The following FGL1 variants were observed in gnomAD, a reference collection of about 807,000 sequenced individuals.
FGL1 encodes fibrinogen like 1.
Under a neutral mutation model 43.7 loss-of-function variants are expected in FGL1, and 59 were observed. That is an observed-to-expected ratio of 1.35 (90% confidence interval 1.10 to 1.68). FGL1 has a LOEUF of 1.68. Among genes scored for constraint, FGL1 ranks in the 40% most tolerant of loss-of-function variants. The pLI is 0.00. For synonymous variants in FGL1, 192 were observed against 126.5 expected (o/e 1.52, Z -3.48); for missense variants, 596 against 373.0 (o/e 1.60, Z -4.92).
chr8:17,893,282 G>T (rs561042018), intron 1 of FGL1, among the ~76,000 whole-genome samples: 6 of 152,006 alleles, frequency 3.9e-5, no homozygotes, highest in Non-Finnish European at 8.8e-5. Context: ...GTTTGATTCT[G>T]GCTCTTGCAT....
chr8:17,885,390 T>A, intron 2 of FGL1, 102 bp downstream of exon 2: 1 of 998,524 alleles, frequency 1.0e-6, no homozygotes, highest in Non-Finnish European at 1.5e-6. Context: ...CATAGTTAAG[T>A]TTTTTCAATG....
At chr8:17,875,535 C>CTTTCTTTCTTTCTT (rs1554564386) in intron 3 of FGL1, among the ~76,000 whole-genome samples, 3 of 25,488 alleles carry the variant, frequency 1.2e-4, no homozygotes, top group East Asian at 8.1e-4. Context: ...TTCTTTCTTT[C>CTTTCTTTCTTTCTT]TCTTTCTTTC....
At position 17,874,403 on chromosome 8, in the gene FGL1, A is replaced by C; in HGVS notation, c.363T>G (p.Thr121=). The C allele has an allele frequency of 6.2e-7, 1 of 1,614,116 alleles. No individual in the cohort carries two copies. The change falls in exon 4 of 8, where the codon ACT becomes ACG. Residue 121 remains threonine (T), a synonymous_variant. Coordinates refer to ENST00000427924, the MANE Select transcript of FGL1 (RefSeq NM_004467.4). ...YCDMSDGGGW[T]VIQRRSDGSE... is the part of the protein sequence containing the mutation. ...TGCCATCAGATCGTCTCTGAATTACAGTCCATCCTCCTCCATCGGACATGT... is the reference window on the plus strand; with the variant it reads ...TGCCATCAGATCGTCTCTGAATTACCGTCCATCCTCCTCCATCGGACATGT...
In FGL1 at chr8:17,864,432, C is replaced by T. The variant is rs1273629737; in HGVS notation, c.*160G>A. On this transcript the variant is annotated 3_prime_UTR_variant, in exon 8 of 8. Transcript: ENST00000427924. ...TTATTTGGTGAATATTGCATATCTGCTGTACTGAAAGCACATTAAGTAACA... is the reference window on the plus strand; with the variant it reads ...TTATTTGGTGAATATTGCATATCTGTTGTACTGAAAGCACATTAAGTAACA... The T allele has an allele frequency of 3.0e-6, 2 of 665,766 alleles. No homozygotes were observed. The highest frequency in any genetic ancestry group is 6.7e-5 in the Admixed American group (2 of 29,812). 41.2% of individuals were successfully genotyped at this position (665,766 alleles called of 1,614,324 possible).
chr8:17,873,187 G>C (rs1353081856), intron 5 of FGL1, among the ~76,000 whole-genome samples: 1 of 152,056 alleles, frequency 6.6e-6, no homozygotes, highest in South Asian at 2.1e-4. Flanking sequence ...TTAAAAAAAA[G>C]TCTGAGCTGC....
chr8:17,868,492 G>T, intron 7 of FGL1, 56 bp downstream of exon 7: 1 of 1,288,828 alleles, frequency 7.8e-7, no homozygotes. Flanking sequence ...GATAATTAAT[G>T]TCTATCAGTG....
At chr8:17,892,648 C>T (rs17125814) in intron 1 of FGL1, among the ~76,000 whole-genome samples, 3,116 of 152,154 alleles carry the variant, frequency 0.02, 111 homozygotes, top group African/African-American at 0.071. Flanking sequence ...TAGGATTTTT[C>T]CTTGATAAAT....
intron 1 of FGL1, among the ~76,000 whole-genome samples, chr8:17,887,409 A>C (rs1465109882): frequency 6.6e-6 from 1 of 152,180 alleles, no homozygotes; most frequent in Non-Finnish European, 1.5e-5. Flanking sequence ...CTTCTTTCTG[A>C]AGAGAGGCAT....
intron 2 of FGL1, among the ~76,000 whole-genome samples, chr8:17,884,540 A>T (rs559612901): frequency 6.6e-6 from 1 of 152,072 alleles, no homozygotes; most frequent in East Asian, 1.9e-4. Context: ...TATCCCTAAC[A>T]CTCAGATTTA....
intron 1 of FGL1, 179 bp from the exon 2 acceptor site, chr8:17,885,750 T>C (rs367786231): frequency 3.6e-5 from 20 of 549,532 alleles, no homozygotes; most frequent in African/African-American, 3.6e-4. Flanking sequence ...TGACACTGAG[T>C]GTTAACTAGA....
chr8:17,868,547 C>G lies in FGL1; in HGVS notation c.779+1G>C. ...ACAACTATGCTCATAAGACATCAAACCTGTTAAACCACCAGCCAGACTGAT... is the reference window on the plus strand; with the variant it reads ...ACAACTATGCTCATAAGACATCAAAGCTGTTAAACCACCAGCCAGACTGAT... On this transcript the variant is annotated splice_donor_variant, in intron 7 of 7. Transcript: ENST00000427924. LOFTEE classifies it high-confidence loss of function. 1 of 1,608,084 alleles carries G rather than the reference C, an allele frequency of 6.2e-7. No individual in the cohort carries two copies. The highest frequency in any genetic ancestry group is 1.3e-5 in the African/African-American group (1 of 74,834).
At chr8:17,868,412 CTAA>C (rs2053303212) in intron 7 of FGL1, 133 bp downstream of exon 7, 3 of 637,102 alleles carry the variant, frequency 4.7e-6, no homozygotes, top group Non-Finnish European at 6.9e-6. Context: ...CTGAAGAATT[CTAA>C]TGAGAATGAT....
At chr8:17,870,278 A>G (rs1346104462) in intron 5 of FGL1, among the ~76,000 whole-genome samples, 3 of 152,194 alleles carry the variant, frequency 2.0e-5, no homozygotes, top group African/African-American at 7.2e-5. Context: ...TTTTAAAATG[A>G]TTAAAATAAT....
At chr8:17,877,989 G>T (rs999286930) in intron 3 of FGL1, among the ~76,000 whole-genome samples, 1 of 152,048 alleles carries the variant, frequency 6.6e-6, no homozygotes, top group African/African-American at 2.4e-5. Context: ...TTTGAGACGG[G>T]TCTCACTCTG....
At position 17,866,184 on chromosome 8, in the gene FGL1, G is replaced by C. The variant is rs141022750; in HGVS notation, c.780-1433C>G. 1.0e-2 allele frequency among the ~76,000 whole-genome samples: 1,516 copies of C among 152,296 alleles called. 9 individuals are homozygous for C. The highest frequency in any genetic ancestry group is 0.015 in the Non-Finnish European group (993 of 68,018). On this transcript the variant is annotated intron_variant, in intron 7 of 7. Coordinates refer to ENST00000427924, the MANE Select transcript of FGL1 (RefSeq NM_004467.4). ...GAACATAAGAAACCTTCACTATTCT[G>C]AGACCAGTTTTCTAGCATCGTTTAG...
chr8:17,886,193 A>C (rs2053625964), intron 1 of FGL1, among the ~76,000 whole-genome samples: 2 of 152,238 alleles, frequency 1.3e-5, no homozygotes, highest in Non-Finnish European at 2.9e-5. Context: ...GAAAAATGTA[A>C]TTTCCTTGCT....
intron 7 of FGL1, among the ~76,000 whole-genome samples, chr8:17,866,567 C>A (rs1308000572): frequency 6.6e-6 from 1 of 152,190 alleles, no homozygotes; most frequent in Non-Finnish European, 1.5e-5. Context: ...ACAGCCTTAT[C>A]AACCCCTTTG....
In FGL1 at chr8:17,868,647, G is replaced by C; in HGVS notation, c.680C>G (p.Ala227Gly). Residue 227 changes from alanine to glycine, a missense_variant, in exon 7 of 8, where the codon GCT (alanine) becomes GGT (glycine). By Grantham distance (60) the Ala-to-Gly change is moderately conservative. Coordinates refer to ENST00000427924, the MANE Select transcript of FGL1 (RefSeq NM_004467.4). ...GNFHPEVQWW[A>G]SHQRMKFSTW... Reference sequence around the variant, plus strand: ...GCTGAATTTCATTCTTTGGTGACTAGCCCACCACTGCACCTCAGGATGAAA... The same window carrying C: ...GCTGAATTTCATTCTTTGGTGACTACCCCACCACTGCACCTCAGGATGAAA... 1 of 1,614,018 alleles carries C rather than the reference G, an allele frequency of 6.2e-7. No homozygotes were observed. The highest frequency in any genetic ancestry group is 8.5e-7 in the Non-Finnish European group (1 of 1,179,960).
chr8:17,878,262 C>T (rs1206217724), intron 3 of FGL1, among the ~76,000 whole-genome samples: 2 of 152,136 alleles, frequency 1.3e-5, no homozygotes, highest in African/African-American at 4.8e-5. Context: ...AAAATATTTT[C>T]ACTCATTTGA....
Sources: allele counts gnomAD v4.1 joint callset (sites outside exome capture counted in the v4.1 genomes callset), GRCh38; gene constraint gnomAD v4.1.1; transcripts MANE v1.5; gene names NCBI Gene and HGNC (gene_info 2026-07-23, HGNC 2026-07-21).